SULF1: variants seen among roughly 807,000 people sequenced by gnomAD.
SULF1 encodes sulfatase 1.
In SULF1, 46 loss-of-function variants were observed where a neutral mutation model predicts 110.5. The observed-to-expected ratio is 0.42, with a 90% CI of 0.33 to 0.53. The LOEUF is 0.53. Among genes scored for constraint, SULF1 ranks in the 20% least tolerant of loss-of-function variants. The pLI is 0.12. For synonymous variants in SULF1, 371 were observed against 387.1 expected (o/e 0.96, Z 0.49); for missense variants, 941 against 1,094.2 (o/e 0.86, Z 1.98).
At chr8:69,482,523 C>T (rs944239321) in intron 1 of SULF1, among the ~76,000 whole-genome samples, 1 of 151,634 alleles carries the variant, frequency 6.6e-6, no homozygotes, top group Non-Finnish European at 1.5e-5. Context: ...GTGCAGTTTA[C>T]TGTCAATAGT....
chr8:69,520,613 G>A lies in SULF1; in HGVS notation c.-134+18645G>A, dbSNP rs141268455. Reference sequence around the variant, plus strand: ...TGATTTAAGTTCATGGTCCCAAAACGATTTAAAACTAAAGGTTTTATTTCA... The same window carrying A: ...TGATTTAAGTTCATGGTCCCAAAACAATTTAAAACTAAAGGTTTTATTTCA... On this transcript the variant is annotated intron_variant, in intron 3 of 22. Coordinates refer to ENST00000402687, the MANE Select transcript of SULF1 (RefSeq NM_001128205.2). 3.6e-3 allele frequency among the ~76,000 whole-genome samples: 555 copies of A among 152,220 alleles called. 7 individuals are homozygous for A. The highest frequency in any genetic ancestry group is 0.011 in the African/African-American group (452 of 41,544).
At chr8:69,625,901 T>C (rs1378557309) in intron 15 of SULF1, 1 of 152,246 alleles carries the variant, frequency 6.6e-6, no homozygotes, top group Non-Finnish European at 1.5e-5. Flanking sequence ...AGGGTGCTGA[T>C]TGGTGCATTT....
rs774565684 is a variant in SULF1, at chr8:69,601,677, G to A, written c.909G>A (p.Thr303=). ...AGCTGTATAACATGCTCGTGGAGAC[G>A]GGGGAGCTGGAGAATACTTACATCA... The part of the protein sequence containing the change: ...VERLYNMLVE[T]GELENTYIIY... The change falls in exon 10 of 23, where the codon ACG becomes ACA. Residue 303 remains threonine, a synonymous_variant. Coordinates refer to ENST00000402687, the MANE Select transcript of SULF1 (RefSeq NM_001128205.2). The A allele has an allele frequency of 9.3e-6, 15 of 1,610,950 alleles. No homozygotes were observed. The highest frequency in any genetic ancestry group is 4.5e-5 in the East Asian group (2 of 44,748).
Position 69,588,956 on chromosome 8 carries a change from C to A in SULF1, c.565-16C>A. ...ACCTTTTGTAATTTTTGTTTTGTGT[C>A]AAATGTATGTTTCAGGACTACTTCA... On this transcript the variant is annotated splice_polypyrimidine_tract_variant and intron_variant, in intron 7 of 22. Transcript: ENST00000402687. 1.9e-6 allele frequency: 3 copies of A among 1,597,816 alleles called. No homozygotes were observed. Among genetic ancestry groups the A allele is most frequent in the South Asian group, 2.2e-5 (2 of 90,190 alleles).
chr8:69,567,021 T>A (rs1815930217), intron 5 of SULF1, among the ~76,000 whole-genome samples: 1 of 152,186 alleles, frequency 6.6e-6, no homozygotes, highest in Non-Finnish European at 1.5e-5. Flanking sequence ...TCTCCACAGC[T>A]ACGTATTTAA....
chr8:69,484,825 CTCTTCTTCTTCTTCTTCT>C (rs72313235), intron 1 of SULF1, among the ~76,000 whole-genome samples: 2 of 148,832 alleles, frequency 1.3e-5, no homozygotes, highest in African/African-American at 2.5e-5. Context: ...TTTCATCTTC[CTCTTCTTCTTCTTCTTCT>C]TCTTCTTCTT....
intron 3 of SULF1, among the ~76,000 whole-genome samples, chr8:69,530,909 G>A (rs1164146870): frequency 1.3e-5 from 2 of 152,188 alleles, no homozygotes; most frequent in Non-Finnish European, 2.9e-5. Context: ...AATGGAATGA[G>A]GTAAACAGGT....
chr8:69,636,684 T>C (rs1314092720), intron 19 of SULF1, among the ~76,000 whole-genome samples: 1 of 152,208 alleles, frequency 6.6e-6, no homozygotes, highest in Admixed American at 6.5e-5. Flanking sequence ...GTCAGGTGAA[T>C]ACAGCAGATG....
intron 22 of SULF1, chr8:69,641,155 G>T (rs1191554950): frequency 3.8e-6 from 1 of 263,478 alleles, no homozygotes; most frequent in Non-Finnish European, 7.1e-6. Context: ...GGAGCCCCGG[G>T]AAAGGGTGGG....
At chr8:69,587,882 A>G (rs1355339725) in intron 7 of SULF1, among the ~76,000 whole-genome samples, 7 of 152,258 alleles carry the variant, frequency 4.6e-5, no homozygotes, top group Non-Finnish European at 1.0e-4. Context: ...TGAAAAGAAT[A>G]TATATCTTTT....
At chr8:69,508,862 A>G (rs1416767638) in intron 3 of SULF1, among the ~76,000 whole-genome samples, 2 of 152,200 alleles carry the variant, frequency 1.3e-5, no homozygotes, top group African/African-American at 4.8e-5. Flanking sequence ...GTTAGCAGCC[A>G]TTCAGAGCAG....
At chr8:69,519,374 T>C (rs753111900) in intron 3 of SULF1, among the ~76,000 whole-genome samples, 1 of 152,208 alleles carries the variant, frequency 6.6e-6, no homozygotes, top group African/African-American at 2.4e-5. Flanking sequence ...ATAATACTTA[T>C]GGTATCTATA....
At chr8:69,506,887 A>G (rs1811233684) in intron 3 of SULF1, among the ~76,000 whole-genome samples, 1 of 152,220 alleles carries the variant, frequency 6.6e-6, no homozygotes, top group Non-Finnish European at 1.5e-5. Flanking sequence ...GCAGTCACTA[A>G]AATGAAATCA....
At chr8:69,488,738 G>A (rs918372816), upstream of SULF1, among the ~76,000 whole-genome samples, 1 of 152,104 alleles carries the variant, frequency 6.6e-6, no homozygotes, top group African/African-American at 2.4e-5. Context: ...GACAGCCACA[G>A]CAGCTTAAAA....
chr8:69,498,236 A>G lies in SULF1; in HGVS notation c.-229+2310A>G, dbSNP rs192329589. Among the ~76,000 whole-genome samples the G allele has an allele frequency of 4.0e-3, 608 of 152,244 alleles. 18 individuals are homozygous for G. The highest frequency in any genetic ancestry group is 0.038 in the Admixed American group (580 of 15,284). The stretch of plus-strand genomic sequence containing the variant: ...GACTTAAGCAAAAGAAAGGGATGCA[A>G]TGATCCACAGCTAGGCCACTGGCTT... On this transcript the variant is annotated intron_variant, in intron 2 of 22. Transcript: ENST00000402687.
intron 1 of SULF1, among the ~76,000 whole-genome samples, chr8:69,475,787 A>G (rs1467312494): frequency 6.6e-6 from 1 of 152,186 alleles, no homozygotes; most frequent in African/African-American, 2.4e-5. Flanking sequence ...CAAGCACTCA[A>G]TGTTTAATAA....
rs1315124778 is a variant in SULF1 at position 69,604,879 on chromosome 8, A to G, written c.1324A>G (p.Lys442Glu). 2.5e-6 allele frequency: 4 copies of G among 1,614,268 alleles called. No individual in the cohort carries two copies. In the East Asian group the frequency reaches 8.9e-5, roughly 36 times the overall value. The stretch of plus-strand genomic sequence containing the variant: ...TCACTTGCCCAAATATGAACGGGTC[A>G]AAGAACTATGCCAGCAGGCCAGGTA... Reference protein sequence around the residue: ...SNHLPKYERVKELCQQARYQT... With the variant: ...SNHLPKYERVEELCQQARYQT... The change falls in exon 13 of 23, where the codon AAA becomes GAA. Residue 442 changes from lysine (K) to glutamate (E), a missense_variant. Coordinates refer to ENST00000402687, the MANE Select transcript of SULF1 (RefSeq NM_001128205.2).
intron 3 of SULF1, among the ~76,000 whole-genome samples, chr8:69,543,321 C>T (rs577088032): frequency 1.6e-3 from 247 of 152,146 alleles, no homozygotes; most frequent in Non-Finnish European, 1.9e-3. Flanking sequence ...CATCCATCAC[C>T]GAGGCATTAA....
At chr8:69,563,061 G>C (rs932456279) in intron 3 of SULF1, 1 of 152,232 alleles carries the variant, frequency 6.6e-6, no homozygotes, top group African/African-American at 2.4e-5. Context: ...AAGACTCTCC[G>C]GGGTAGAGAA....
Sources: gnomAD v4.1 joint callset for allele counts (sites outside exome capture counted in the v4.1 genomes callset) on GRCh38, gnomAD v4.1.1 for gene constraint, MANE v1.5 for transcripts, NCBI Gene and HGNC (gene_info 2026-07-23, HGNC 2026-07-21) for gene names.